MYCBP2: variants seen among roughly 807,000 people sequenced by gnomAD.
The protein encoded by MYCBP2 is MYC binding protein 2, also known as E3 ubiquitin-protein ligase MYCBP2.
MYCBP2 carries 120 observed loss-of-function variants against 525.3 expected under a neutral mutation model. The observed-to-expected ratio is 0.23, with a 90% CI of 0.20 to 0.27. The LOEUF (loss-of-function observed/expected upper bound fraction) is 0.27. MYCBP2 is among the 10% of genes least tolerant of loss of function. MYCBP2 has a pLI of 1.00. For missense variants in MYCBP2, 4,149 were observed against 5,657.1 expected (o/e 0.73, Z 8.55); for synonymous variants, 1,894 against 1,955.8 (o/e 0.97, Z 0.83).
At chr13:77,136,621 G>C (rs2053801350) in intron 52 of MYCBP2, among the ~76,000 whole-genome samples, 1 of 152,066 alleles carries the variant, frequency 6.6e-6, no homozygotes, top group South Asian at 2.1e-4. Context: ...TCTATACAGT[G>C]GTCTCATTGA....
intron 4 of MYCBP2, among the ~76,000 whole-genome samples, chr13:77,275,560 G>A (rs2075443462): frequency 6.6e-6 from 1 of 152,164 alleles, no homozygotes; most frequent in Admixed American, 6.5e-5. Flanking sequence ...GCAGCAGTGT[G>A]TACCTATAGT....
chr13:77,277,751 A>T (rs2075782102), intron 4 of MYCBP2, among the ~76,000 whole-genome samples: 1 of 152,234 alleles, frequency 6.6e-6, no homozygotes, highest in Non-Finnish European at 1.5e-5. Context: ...GTCCCCGATA[A>T]CTCTGATACA....
intron 60 of MYCBP2, among the ~76,000 whole-genome samples, chr13:77,089,241 G>C (rs529704291): frequency 6.6e-6 from 1 of 152,162 alleles, no homozygotes; most frequent in African/African-American, 2.4e-5. Context: ...AAGTTGTAGA[G>C]GTGGGTTTTG....
intron 68 of MYCBP2, among the ~76,000 whole-genome samples, chr13:77,072,277 C>T (rs1333773582): frequency 8.7e-6 from 1 of 114,488 alleles, no homozygotes; most frequent in Non-Finnish European, 1.7e-5. Flanking sequence ...GGCGACAGGG[C>T]AAGACTCCAT....
At chr13:77,205,225 A>C in intron 26 of MYCBP2, 31 bp downstream of exon 26, 1 of 1,492,832 alleles carries the variant, frequency 6.7e-7, no homozygotes, top group Non-Finnish European at 9.0e-7. Context: ...ATGTTCAAAC[A>C]AAAAAGGACA....
intron 37 of MYCBP2, among the ~76,000 whole-genome samples, chr13:77,172,206 T>A (rs903806978): frequency 9.8e-5 from 14 of 143,220 alleles, no homozygotes; most frequent in Non-Finnish European, 2.0e-4. Context: ...CTGACCTGAA[T>A]TTTTTTTTTT....
intron 53 of MYCBP2, 96 bp downstream of exon 53, chr13:77,126,222 C>A: frequency 7.4e-6 from 7 of 951,536 alleles, no homozygotes; most frequent in African/African-American, 1.7e-5. Flanking sequence ...CATTGAAAAA[C>A]CTGTGGTAGA....
intron 35 of MYCBP2, among the ~76,000 whole-genome samples, chr13:77,177,334 CT>C (rs748460042): frequency 0.039 from 4,765 of 122,890 alleles, 177 homozygotes; most frequent in African/African-American, 0.14. Context: ...TCTTTTCTTT[CT>C]TTTTTTTTTT....
intron 23 of MYCBP2, among the ~76,000 whole-genome samples, chr13:77,208,908 A>G (rs1277620133): frequency 6.6e-6 from 1 of 152,182 alleles, no homozygotes; most frequent in East Asian, 1.9e-4. Flanking sequence ...TACTCAGGCA[A>G]AGTTGGCTCC....
At chr13:77,154,372 A>G (rs2056944017) in intron 46 of MYCBP2, among the ~76,000 whole-genome samples, 1 of 151,800 alleles carries the variant, frequency 6.6e-6, no homozygotes, top group Admixed American at 6.6e-5. Context: ...AAGAAGGAAA[A>G]AGGAGAAGGA....
intron 47 of MYCBP2, among the ~76,000 whole-genome samples, chr13:77,147,974 T>C (rs983188294): frequency 1.3e-5 from 2 of 152,102 alleles, no homozygotes; most frequent in Non-Finnish European, 2.9e-5. Context: ...GTTTGAAATA[T>C]TGCATTCCGT....
chr13:77,076,046 A>T (rs922479197), intron 68 of MYCBP2: 2 of 152,216 alleles, frequency 1.3e-5, no homozygotes, highest in African/African-American at 4.8e-5. Context: ...GTCAGAGTTG[A>T]CTTCTCTTTT....
At chr13:77,138,992 T>C (rs2054180773) in intron 52 of MYCBP2, among the ~76,000 whole-genome samples, 2 of 152,194 alleles carry the variant, frequency 1.3e-5, no homozygotes, top group African/African-American at 4.8e-5. Flanking sequence ...TGCCTATCTG[T>C]GATGGATCAT....
At chr13:77,184,213 T>C (rs890441349) in intron 32 of MYCBP2, among the ~76,000 whole-genome samples, 7 of 152,256 alleles carry the variant, frequency 4.6e-5, no homozygotes, top group African/African-American at 1.7e-4. Context: ...TGAAACATTT[T>C]AAAATTTCCT....
chr13:77,275,842 G>A (rs536198729), intron 4 of MYCBP2, among the ~76,000 whole-genome samples: 1 of 152,098 alleles, frequency 6.6e-6, no homozygotes, highest in East Asian at 1.9e-4. Flanking sequence ...AAATTAGCCG[G>A]GCATTGTGGA....
At chr13:77,295,580 T>A (rs1188962748) in intron 2 of MYCBP2, among the ~76,000 whole-genome samples, 3 of 152,228 alleles carry the variant, frequency 2.0e-5, no homozygotes, top group South Asian at 2.1e-4. Flanking sequence ...AACTTAAAAG[T>A]GTAGGAAACA....
At chr13:77,138,142 A>G (rs2154180465) in intron 52 of MYCBP2, among the ~76,000 whole-genome samples, 1 of 152,300 alleles carries the variant, frequency 6.6e-6, no homozygotes, top group Non-Finnish European at 1.5e-5. Flanking sequence ...AACCTCCGTA[A>G]AGCAGTAAGC....
At chr13:77,115,580 T>C in intron 55 of MYCBP2, among the ~76,000 whole-genome samples, 1 of 151,808 alleles carries the variant, frequency 6.6e-6, no homozygotes, top group Non-Finnish European at 1.5e-5. Flanking sequence ...TTCTATTTTA[T>C]GGAATAAAAT....
intron 55 of MYCBP2, among the ~76,000 whole-genome samples, chr13:77,113,087 C>T (rs1421285390): frequency 6.6e-6 from 1 of 152,154 alleles, no homozygotes; most frequent in Non-Finnish European, 1.5e-5. Flanking sequence ...TAGGTGGACT[C>T]AATAAAATAC....
Sources: gnomAD v4.1 joint callset for allele counts (sites outside exome capture counted in the v4.1 genomes callset) on GRCh38, gnomAD v4.1.1 for gene constraint, MANE v1.5 for transcripts, NCBI Gene and HGNC (gene_info 2026-07-23, HGNC 2026-07-21) for gene names.